EIF2B4: variants seen among roughly 807,000 people sequenced by gnomAD.
EIF2B4 encodes the protein eukaryotic translation initiation factor 2B subunit delta, also known as translation initiation factor eIF2B subunit delta.
A neutral mutation model predicts 66.7 loss-of-function variants in EIF2B4; 34 were observed. The ratio of observed to expected loss-of-function variants is 0.51; its 90% CI spans 0.39 to 0.68. The LOEUF is 0.68. Ranked by LOEUF, EIF2B4 falls within the 30% of genes least tolerant of loss-of-function variation. EIF2B4 has a pLI of 0.00. For synonymous variants in EIF2B4, 278 were observed against 253.6 expected (o/e 1.10, Z -0.92); for missense variants, 618 against 657.9 (o/e 0.94, Z 0.66).
In EIF2B4 at chr2:27,369,928, G is replaced by C. The variant is rs868598367; in HGVS notation, c.32-9C>G. The C allele has an allele frequency of 1.3e-6, 2 of 1,581,010 alleles. No homozygotes were observed. The highest frequency in any genetic ancestry group is 1.4e-5 in the African/African-American group (1 of 74,072). On this transcript the variant is annotated splice_polypyrimidine_tract_variant and intron_variant, in intron 1 of 12. Transcript: ENST00000347454. ...CATCCCGGATCCCGAGTCTGCATCAGAAAACAGGGCACAAAGTGAGCCAGA... is the reference window on the plus strand; with the variant it reads ...CATCCCGGATCCCGAGTCTGCATCACAAAACAGGGCACAAAGTGAGCCAGA...
At position 27,367,118 on chromosome 2, in the gene EIF2B4, A is replaced by G. The variant is rs1239451104; in HGVS notation, c.969T>C (p.Ala323=). The G allele has an allele frequency of 6.2e-7, 1 of 1,614,218 alleles. No homozygotes were observed. The highest frequency in any genetic ancestry group is 2.2e-5 in the East Asian group (1 of 44,888). ...CATCTCCATTACTGATCTTCTGGTAAGCAAAGCGTGAAATTGCCTGAGCTG... is the reference window on the plus strand; with the variant it reads ...CATCTCCATTACTGATCTTCTGGTAGGCAAAGCGTGAAATTGCCTGAGCTG... ...VLAAQAISRF[A]YQKISNGDVI... The change falls in exon 10 of 13, where the codon GCT becomes GCC. Residue 323 remains alanine, a synonymous_variant. Transcript: ENST00000347454.
chr2:27,367,002 A>G, intron 10 of EIF2B4, 66 bp from the exon 11 acceptor site: 1 of 1,614,030 alleles, frequency 6.2e-7, no homozygotes, highest in Middle Eastern at 1.6e-4. Context: ...TTATTCCCAA[A>G]GGCAAGTGGG....
intron 7 of EIF2B4, 66 bp from the exon 8 acceptor site, chr2:27,367,888 G>GTA: frequency 1.3e-6 from 2 of 1,551,474 alleles, no homozygotes; most frequent in African/African-American, 2.7e-5. Flanking sequence ...GGGGCTGGGG[G>GTA]TAAGCTTCAC....
At position 27,367,149 on chromosome 2, in the gene EIF2B4, A is replaced by C; in HGVS notation, c.938T>G (p.Val313Gly). The C allele has an allele frequency of 6.2e-7, 1 of 1,614,218 alleles. No individual in the cohort carries two copies. Among genetic ancestry groups the C allele is most frequent in the Non-Finnish European group, 8.5e-7 (1 of 1,180,044 alleles). ...GCGTGAAATTGCCTGAGCTGCTAGCACAATCTTCTCTTGCACATACCGATC... is the reference window on the plus strand; with the variant it reads ...GCGTGAAATTGCCTGAGCTGCTAGCCCAATCTTCTCTTGCACATACCGATC... ...AIDRYVQEKI[V>G]LAAQAISRFA... The change falls in exon 10 of 13, where the codon GTG becomes GGG. Residue 313 changes from valine to glycine, a missense_variant. Coordinates refer to ENST00000347454, the MANE Select transcript of EIF2B4 (RefSeq NM_001034116.2).
Position 27,367,853 on chromosome 2 carries a change from AC to A in EIF2B4, c.706-32del, listed in dbSNP as rs764109646. 29 of 1,598,882 alleles carry A rather than the reference AC, an allele frequency of 1.8e-5. No homozygotes were observed. In the Admixed American group the frequency reaches 4.2e-4, roughly 23 times the overall value. On this transcript the variant is annotated intron_variant, in intron 7 of 12. Transcript: ENST00000347454. The stretch of plus-strand genomic sequence containing the variant: ...GGGTACACAAGGTGATCTGCAAAAT[AC>A]CCCTTAATAAAGATCTCTGAACGGG...
At chr2:27,368,485 G>C (rs1287078077) in intron 5 of EIF2B4, 22 bp from the exon 6 acceptor site, 2 of 1,600,836 alleles carry the variant, frequency 1.2e-6, no homozygotes, top group Non-Finnish European at 1.7e-6. Flanking sequence ...AAGGGAACAG[G>C]ACCAATGGCC....
intron 11 of EIF2B4, chr2:27,365,689 T>G (rs990118510): frequency 6.6e-6 from 1 of 152,188 alleles, no homozygotes; most frequent in East Asian, 1.9e-4. Flanking sequence ...TAAATCTTAA[T>G]GATGGCTTTT....
At chr2:27,367,991 G>A in intron 7 of EIF2B4, 34 bp downstream of exon 7, 2 of 1,548,826 alleles carry the variant, frequency 1.3e-6, no homozygotes, top group South Asian at 1.2e-5. Context: ...GGGAGGTGGG[G>A]TTGGATCATA....
intron 8 of EIF2B4, 30 bp from the exon 9 acceptor site, chr2:27,367,589 G>A: frequency 6.2e-7 from 1 of 1,610,806 alleles, no homozygotes; most frequent in Non-Finnish European, 8.5e-7. Context: ...CCTTATATCT[G>A]CGCAACTCTT....
At chr2:27,369,774 T>A (rs1454337086) in intron 2 of EIF2B4, 102 bp downstream of exon 2, 3 of 1,477,160 alleles carry the variant, frequency 2.0e-6, no homozygotes, top group Non-Finnish European at 9.1e-7. Context: ...CTGGCTTTAC[T>A]GAGAAATAAA....
intron 2 of EIF2B4, 35 bp from the exon 3 acceptor site, chr2:27,369,584 A>G (rs1273566223): frequency 5.6e-6 from 9 of 1,613,692 alleles, no homozygotes; most frequent in East Asian, 2.2e-5. Context: ...CTCTTCCCCA[A>G]CAATTCCAAA....
At chr2:27,368,500 G>A (rs928893380) in intron 5 of EIF2B4, 37 bp from the exon 6 acceptor site, 1 of 1,586,200 alleles carries the variant, frequency 6.3e-7, no homozygotes, top group Non-Finnish European at 8.7e-7. Context: ...ATGGCCCAGA[G>A]TTTAAAAAGG....
chr2:27,368,661 C>G lies in EIF2B4; in HGVS notation c.491G>C (p.Arg164Pro). The change falls in exon 5 of 13, where the codon CGT becomes CCT. Residue 164 changes from arginine (R) to proline (P), a missense_variant. Arg to Pro is a moderately radical substitution (Grantham distance 103). Transcript: ENST00000347454. ...ACCAAACCCACTTCCTACCTGTTGA[C>G]GCTCTGGTTTTTTAACAAGCCTTCT... is the stretch of plus-strand genomic sequence containing the variant. ...LLRRLVKKPE[R>P]QQVPTRKDYG... is the part of the protein sequence containing the mutation. The G allele has an allele frequency of 6.2e-7, 1 of 1,614,178 alleles. No individual in the cohort carries two copies. Among genetic ancestry groups the G allele is most frequent in the Non-Finnish European group, 8.5e-7 (1 of 1,180,022 alleles).
rs187815059 is a variant in EIF2B4, at chr2:27,364,614, G to C, written c.1373-15C>G. 1.9e-6 allele frequency: 3 copies of C among 1,613,994 alleles called. No homozygotes were observed. The highest frequency in any genetic ancestry group is 2.5e-6 in the Non-Finnish European group (3 of 1,180,014). The stretch of plus-strand genomic sequence containing the variant: ...ATCAGGGTCATCTGCAATGGAAGGC[G>C]TACCCATTATGTTCTTTCAGAAAAG... On this transcript the variant is annotated splice_polypyrimidine_tract_variant and intron_variant, in intron 12 of 12. Coordinates refer to ENST00000347454, the MANE Select transcript of EIF2B4 (RefSeq NM_001034116.2).
chr2:27,367,306 C>T (rs748423727), intron 9 of EIF2B4, 105 bp from the exon 10 acceptor site: 1 of 1,588,636 alleles, frequency 6.3e-7, no homozygotes, highest in Non-Finnish European at 8.6e-7. Context: ...CTATAGAGGG[C>T]TCAGAGATGG....
intron 7 of EIF2B4, 54 bp from the exon 8 acceptor site, chr2:27,367,876 C>T (rs373166860): frequency 4.6e-5 from 73 of 1,573,080 alleles, no homozygotes; most frequent in African/African-American, 6.8e-5. Flanking sequence ...GATCTCTGAA[C>T]GGGGGCTGGG....
chr2:27,369,816 A>G, intron 2 of EIF2B4, 60 bp downstream of exon 2: 1 of 1,528,966 alleles, frequency 6.5e-7, no homozygotes, highest in Non-Finnish European at 8.8e-7. Context: ...GGCGGAATAA[A>G]GCTGGCACAG....
chr2:27,369,850 C>T (rs1214274816), intron 2 of EIF2B4, 26 bp downstream of exon 2: 1 of 1,561,678 alleles, frequency 6.4e-7, no homozygotes, highest in South Asian at 1.2e-5. Context: ...GCTTGGCAGG[C>T]GGCTTGGGAG....
intron 1 of EIF2B4, 155 bp from the exon 2 acceptor site, chr2:27,370,074 C>T: frequency 6.6e-7 from 1 of 1,504,018 alleles, no homozygotes; most frequent in Non-Finnish European, 8.9e-7. Flanking sequence ...ACGCACTGCG[C>T]GGCGGATCAA....
Sources: allele counts gnomAD v4.1 joint callset, GRCh38; gene constraint gnomAD v4.1.1; transcripts MANE v1.5; gene names NCBI Gene and HGNC (gene_info 2026-07-23, HGNC 2026-07-21).